The following ROR1 variants were observed in gnomAD, a reference collection of about 807,000 sequenced individuals.
The protein encoded by ROR1 is inactive tyrosine-protein kinase transmembrane receptor ROR1.
In ROR1, 19 loss-of-function variants were observed where a neutral mutation model predicts 78.8. The ratio of observed to expected loss-of-function variants is 0.24; its 90% CI spans 0.17 to 0.35. The LOEUF (loss-of-function observed/expected upper bound fraction) is 0.35. Ranked by LOEUF, ROR1 falls within the 10% of genes least tolerant of loss-of-function variation. The pLI, the probability that ROR1 is intolerant of heterozygous loss-of-function variation, is 1.00. For synonymous variants in ROR1, 386 were observed against 433.6 expected (o/e 0.89, Z 1.36); for missense variants, 917 against 1,177.8 (o/e 0.78, Z 3.24).
intron 4 of ROR1, among the ~76,000 whole-genome samples, chr1:64,091,512 C>G (rs1213370768): frequency 1.3e-5 from 2 of 152,108 alleles, no homozygotes; most frequent in Non-Finnish European, 2.9e-5. Context: ...CCATTGTACC[C>G]TGGGATCCCG....
rs188864907 is a variant in ROR1 at position 64,138,747 on chromosome 1, A to T, written c.610+1251A>T. 2.2e-3 allele frequency among the ~76,000 whole-genome samples: 333 copies of T among 152,262 alleles called. 3 individuals are homozygous for T. The highest frequency in any genetic ancestry group is 7.8e-3 in the African/African-American group (325 of 41,568). ...CATTTTCTGAAGCCCTCATTTCAAC[A>T]GGAAGAGAATTCTGAAATTTCAAAG... On this transcript the variant is annotated intron_variant, in intron 5 of 8. Coordinates refer to ENST00000371079, the MANE Select transcript of ROR1 (RefSeq NM_005012.4).
intron 1 of ROR1, among the ~76,000 whole-genome samples, chr1:63,896,710 A>T (rs755184441): frequency 6.6e-6 from 1 of 152,094 alleles, no homozygotes; most frequent in Non-Finnish European, 1.5e-5. Context: ...AGAGGGGAGC[A>T]GGTCACTGAA....
chr1:64,115,612 G>GTGTATA (rs1553159338), intron 4 of ROR1, among the ~76,000 whole-genome samples: 5 of 148,640 alleles, frequency 3.4e-5, no homozygotes, highest in Admixed American at 1.3e-4. Flanking sequence ...ATATATATGT[G>GTGTATA]TATATATATA....
chr1:63,987,674 C>G (rs1417192885), intron 1 of ROR1, among the ~76,000 whole-genome samples: 1 of 152,182 alleles, frequency 6.6e-6, no homozygotes, highest in East Asian at 1.9e-4. Context: ...GAACAACATT[C>G]TCTTTGCATT....
At chr1:63,854,450 C>A (rs528031455) in intron 1 of ROR1, among the ~76,000 whole-genome samples, 2 of 152,264 alleles carry the variant, frequency 1.3e-5, no homozygotes, top group Admixed American at 6.5e-5. Flanking sequence ...TTTTTGACAG[C>A]CAAGTCTGGA....
intron 2 of ROR1, among the ~76,000 whole-genome samples, chr1:64,023,531 AAAAAC>A (rs3031260): frequency 1.1e-4 from 16 of 152,210 alleles, no homozygotes; most frequent in South Asian, 1.0e-3. Context: ...TTCTTCCTTT[AAAAAC>A]AAAACAAAAC....
intron 1 of ROR1, among the ~76,000 whole-genome samples, chr1:63,888,018 C>A (rs2100384357): frequency 6.6e-6 from 1 of 152,248 alleles, no homozygotes; most frequent in Non-Finnish European, 1.5e-5. Context: ...AGCAGTCAGT[C>A]ATAATTCAAA....
chr1:63,869,763 G>A (rs957991851), intron 1 of ROR1, among the ~76,000 whole-genome samples: 2 of 152,194 alleles, frequency 1.3e-5, no homozygotes, highest in African/African-American at 4.8e-5. Context: ...TGAGCTCCTG[G>A]TAGAGGCAGA....
At chr1:63,980,356 T>C (rs1208034943) in intron 1 of ROR1, among the ~76,000 whole-genome samples, 1 of 152,104 alleles carries the variant, frequency 6.6e-6, no homozygotes, top group African/African-American at 2.4e-5. Flanking sequence ...AGTGACATTG[T>C]CATGACCCCA....
chr1:63,790,008 C>A (rs1644716134), intron 1 of ROR1, among the ~76,000 whole-genome samples: 1 of 152,158 alleles, frequency 6.6e-6, no homozygotes, highest in East Asian at 1.9e-4. Context: ...ACCTTTCCCC[C>A]ACCCATCAGC....
chr1:64,121,144 C>T (rs1425768961), intron 4 of ROR1, among the ~76,000 whole-genome samples: 1 of 129,934 alleles, frequency 7.7e-6, no homozygotes, highest in Non-Finnish European at 1.6e-5. Context: ...TCCCTTCCTT[C>T]CTGTCTCCTC....
intron 4 of ROR1, among the ~76,000 whole-genome samples, chr1:64,102,159 A>G (rs1647577050): frequency 1.3e-5 from 2 of 152,182 alleles, no homozygotes; most frequent in African/African-American, 4.8e-5. Context: ...GACTAGAAGT[A>G]GGTAGCAGAA....
At chr1:63,837,801 A>G (rs1645027550) in intron 1 of ROR1, among the ~76,000 whole-genome samples, 1 of 152,194 alleles carries the variant, frequency 6.6e-6, no homozygotes, top group South Asian at 2.1e-4. Flanking sequence ...AGCCTGGGTG[A>G]CAGAAACGAG....
At chr1:63,787,310 C>T (rs887122810) in intron 1 of ROR1, among the ~76,000 whole-genome samples, 2 of 152,188 alleles carry the variant, frequency 1.3e-5, no homozygotes, top group Non-Finnish European at 2.9e-5. Flanking sequence ...GCTGATTTAG[C>T]CCAACACCTT....
chr1:64,107,587 T>C (rs776305656), intron 4 of ROR1, among the ~76,000 whole-genome samples: 2 of 152,164 alleles, frequency 1.3e-5, no homozygotes, highest in Non-Finnish European at 2.9e-5. Flanking sequence ...GGGGTCTTTT[T>C]TTTAAGTCAA....
intron 4 of ROR1, among the ~76,000 whole-genome samples, chr1:64,082,096 A>G (rs1229820457): frequency 6.6e-6 from 1 of 152,162 alleles, no homozygotes; most frequent in Admixed American, 6.5e-5. Context: ...TTTAGTAGAG[A>G]TTGATTACTG....
In ROR1 at chr1:63,774,663, A is replaced by T. The variant is rs1018004958; in HGVS notation, c.91+155A>T. On this transcript the variant is annotated intron_variant, in intron 1 of 8. Transcript: ENST00000371079. This position sits in a 1 kb window ranked among gnomAD's most constrained non-coding sequence, Gnocchi z 5.7. ...CGGGGCTCGCCGGCGCCGCCAGGCC[A>T]GGGTTTGCCCCGGAGCCCCGCCAGG... 6.7e-6 allele frequency among the ~76,000 whole-genome samples: 1 copy of T among 149,240 alleles called. No homozygotes were observed. Among genetic ancestry groups the T allele is most frequent in the African/African-American group, 2.4e-5 (1 of 40,888 alleles).
intron 7 of ROR1, among the ~76,000 whole-genome samples, chr1:64,144,398 A>G (rs1649420472): frequency 6.6e-6 from 1 of 152,254 alleles, no homozygotes; most frequent in African/African-American, 2.4e-5. Context: ...ATGTAAGGCC[A>G]TGACACCTGA....
chr1:64,067,444 C>CAAAAAAAAAAA lies in ROR1; in HGVS notation c.482+16742_482+16752dup, dbSNP rs58105318. Among the ~76,000 whole-genome samples, 2 of 57,476 alleles carry CAAAAAAAAAAA rather than the reference C, an allele frequency of 3.5e-5. 1 individual carries two copies. Among genetic ancestry groups the CAAAAAAAAAAA allele is most frequent in the Non-Finnish European group, 6.7e-5 (2 of 30,020 alleles). 37.7% of individuals were successfully genotyped at this position (57,476 alleles called of 152,430 possible). ...TGGGCGACAGAGCGAGCCTCCGTCT[C>CAAAAAAAAAAA]AAAAAAAAAAAAAAAAAAAAAAAAG... On this transcript the variant is annotated intron_variant, in intron 4 of 8. Coordinates refer to ENST00000371079, the MANE Select transcript of ROR1 (RefSeq NM_005012.4).
Sources: gnomAD v4.1 joint callset for allele counts (sites outside exome capture counted in the v4.1 genomes callset) on GRCh38, gnomAD v4.1.1 for gene constraint, Gnocchi (gnomAD v3.1) non-coding constraint, MANE v1.5 for transcripts, NCBI Gene and HGNC (gene_info 2026-07-23, HGNC 2026-07-21) for gene names.